Variants in SERINC5 observed in about 807,000 individuals in gnomAD.
SERINC5 encodes serine incorporator 5.
A neutral mutation model predicts 63.1 loss-of-function variants in SERINC5; 41 were observed. That is an observed-to-expected ratio of 0.65 (90% CI 0.51 to 0.84). The LOEUF is 0.84. Ranked by LOEUF, SERINC5 falls within the 40% of genes least tolerant of loss-of-function variation. SERINC5 has a pLI of 0.00. For missense variants in SERINC5, 523 were observed against 573.0 expected, an observed-to-expected ratio of 0.91 and a Z score of 0.89; for synonymous variants, 222 against 215.2, an observed-to-expected ratio of 1.03 and a Z score of -0.28.
At chr5:80,243,263 G>C (rs977332373) in intron 1 of SERINC5, among the ~76,000 whole-genome samples, 1 of 151,972 alleles carries the variant, frequency 6.6e-6, no homozygotes, top group African/African-American at 2.4e-5. Context: ...AGTGATGTTG[G>C]CTTCCTACAC....
At chr5:80,204,416 C>T (rs1246387792) in intron 1 of SERINC5, among the ~76,000 whole-genome samples, 4 of 152,164 alleles carry the variant, frequency 2.6e-5, no homozygotes, top group Admixed American at 1.3e-4. Context: ...TACTGAGTCA[C>T]ACCACTTTAC....
In SERINC5 at chr5:80,141,054, T is replaced by A; in HGVS notation, c.*2609A>T. ...TGCACAAAACTGTAGATTCTTTAAA[T>A]CCAGGAATGTTGACTCCTCACCTGA... is the stretch of plus-strand genomic sequence containing the variant. On this transcript the variant is annotated 3_prime_UTR_variant, in exon 12 of 12. Coordinates refer to ENST00000507668, the MANE Select transcript of SERINC5 (RefSeq NM_001174072.3). 1.0e-6 allele frequency: 1 copy of A among 985,460 alleles called. No homozygotes were observed. Among genetic ancestry groups the A allele is most frequent in the Non-Finnish European group, 1.2e-6 (1 of 829,926 alleles). The allele number at this position is 985,460 out of a possible 1,614,324, so 61.0% of individuals were successfully genotyped here.
intron 11 of SERINC5, among the ~76,000 whole-genome samples, chr5:80,125,190 T>C (rs926455152): frequency 6.6e-6 from 1 of 152,214 alleles, no homozygotes; most frequent in Admixed American, 6.5e-5. Context: ...GTGCTAGGTA[T>C]ACAATGATAA....
intron 5 of SERINC5, among the ~76,000 whole-genome samples, chr5:80,172,183 A>T (rs967486957): frequency 6.6e-6 from 1 of 152,092 alleles, no homozygotes; most frequent in Non-Finnish European, 1.5e-5. Context: ...TACAAAAATT[A>T]TCCGGGCGTG....
intron 1 of SERINC5, among the ~76,000 whole-genome samples, chr5:80,230,919 C>A (rs1323363114): frequency 6.6e-6 from 1 of 152,138 alleles, no homozygotes; most frequent in African/African-American, 2.4e-5. Flanking sequence ...CTCAAGCAAT[C>A]CTTCCTCCTC....
downstream of SERINC5, among the ~76,000 whole-genome samples, chr5:80,136,614 C>G (rs1745188479): frequency 6.6e-6 from 1 of 152,134 alleles, no homozygotes; most frequent in Admixed American, 6.6e-5. Context: ...AAGATTACAT[C>G]AAACTGAAAA....
At position 80,142,264 on chromosome 5, in the gene SERINC5, C is replaced by T; in HGVS notation, c.*1399G>A. Reference sequence around the variant, plus strand: ...AAAGTCACGTTTCTGTATTACTTTGCAAGTACGTATTTTGGAAATTCCTGT... The same window carrying T: ...AAAGTCACGTTTCTGTATTACTTTGTAAGTACGTATTTTGGAAATTCCTGT... On this transcript the variant is annotated 3_prime_UTR_variant, in exon 12 of 12. Transcript: ENST00000507668. 1 of 985,394 alleles carries T rather than the reference C, an allele frequency of 1.0e-6. No individual in the cohort carries two copies. Among genetic ancestry groups the T allele is most frequent in the Non-Finnish European group, 1.2e-6 (1 of 829,938 alleles). The allele number at this position is 985,394 out of a possible 1,614,324, so 61.0% of individuals were successfully genotyped here.
At chr5:80,219,936 C>T (rs568796504) in intron 1 of SERINC5, among the ~76,000 whole-genome samples, 5 of 152,160 alleles carry the variant, frequency 3.3e-5, no homozygotes, top group African/African-American at 9.6e-5. Context: ...AGGCCAGGCG[C>T]GGTGGCTCAC....
intron 2 of SERINC5, among the ~76,000 whole-genome samples, chr5:80,180,021 C>T (rs1019601223): frequency 6.6e-6 from 1 of 152,072 alleles, no homozygotes; most frequent in African/African-American, 2.4e-5. Flanking sequence ...TTATGGCCAT[C>T]TGTTTTTTTT....
chr5:80,113,751 T>C (rs1226964673), intron 11 of SERINC5: 1 of 155,600 alleles, frequency 6.4e-6, no homozygotes, highest in African/African-American at 2.5e-5. Flanking sequence ...GCCCCCATGA[T>C]TCAATTACCT....
At chr5:80,227,472 T>C (rs1327397979) in intron 1 of SERINC5, among the ~76,000 whole-genome samples, 1 of 151,800 alleles carries the variant, frequency 6.6e-6, no homozygotes, top group Non-Finnish European at 1.5e-5. Flanking sequence ...AATAAAACTG[T>C]GTTTACAGCC....
chr5:80,121,178 C>T lies in SERINC5; in HGVS notation c.1239-7553G>A, dbSNP rs529677304. Among the ~76,000 whole-genome samples, 22 of 152,300 alleles carry T rather than the reference C, an allele frequency of 1.4e-4. No individual in the cohort carries two copies. In the South Asian group the frequency reaches 3.9e-3, roughly 27 times the overall value. On this transcript the variant is annotated intron_variant, in intron 11 of 12. Coordinates refer to the SERINC5 transcript ENST00000509193. ...CTGGGATTACAGGCATGAGCCAACG[C>T]ACCCAGCCAAGAAAGGAGTTTGTTT... is the stretch of plus-strand genomic sequence containing the variant.
At chr5:80,133,090 G>T (rs933854899) in intron 11 of SERINC5, among the ~76,000 whole-genome samples, 2 of 152,088 alleles carry the variant, frequency 1.3e-5, no homozygotes, top group Non-Finnish European at 2.9e-5. Flanking sequence ...GGTTGTGTGT[G>T]GCACCTCTCC....
intron 1 of SERINC5, among the ~76,000 whole-genome samples, chr5:80,210,900 C>T (rs1487269344): frequency 2.6e-5 from 4 of 152,140 alleles, no homozygotes; most frequent in Non-Finnish European, 4.4e-5. Flanking sequence ...GGATGGGCAG[C>T]GGCTGCCTGA....
intron 5 of SERINC5, among the ~76,000 whole-genome samples, chr5:80,172,107 A>ATGTC (rs1313227552): frequency 6.6e-6 from 1 of 152,104 alleles, no homozygotes; most frequent in Admixed American, 6.5e-5. Context: ...CAAGGCGGAC[A>ATGTC]GATCACGAGG....
At chr5:80,179,128 G>A (rs538108427) in intron 2 of SERINC5, among the ~76,000 whole-genome samples, 1 of 152,018 alleles carries the variant, frequency 6.6e-6, no homozygotes, top group South Asian at 2.1e-4. Flanking sequence ...GTGAAACCCT[G>A]TCTCTACTAA....
intron 2 of SERINC5, among the ~76,000 whole-genome samples, chr5:80,184,103 T>C (rs1052766926): frequency 2.6e-5 from 4 of 152,182 alleles, no homozygotes; most frequent in African/African-American, 9.7e-5. Flanking sequence ...GTATGAGTAG[T>C]GCCAGTAACG....
At chr5:80,191,010 T>A (rs1250123072) in intron 2 of SERINC5, among the ~76,000 whole-genome samples, 2 of 151,978 alleles carry the variant, frequency 1.3e-5, no homozygotes, top group Non-Finnish European at 2.9e-5. Flanking sequence ...TGTTTTTGAC[T>A]CCTGCACTAG....
intron 10 of SERINC5, among the ~76,000 whole-genome samples, 160 bp from the exon 11 acceptor site, chr5:80,146,394 C>T (rs1048096552): frequency 1.3e-5 from 2 of 152,210 alleles, no homozygotes; most frequent in African/African-American, 2.4e-5. Flanking sequence ...AGCACAAAAC[C>T]CCCACTCCAC....
Sources: gnomAD v4.1 joint callset for allele counts (sites outside exome capture counted in the v4.1 genomes callset) on GRCh38, gnomAD v4.1.1 for gene constraint, MANE v1.5 for transcripts, NCBI Gene and HGNC (gene_info 2026-07-23, HGNC 2026-07-21) for gene names.